Variants in ROS1 observed in about 807,000 individuals in gnomAD.
The protein encoded by ROS1 is proto-oncogene tyrosine-protein kinase ROS.
A neutral mutation model predicts 273.5 loss-of-function variants in ROS1; 263 were observed. That is an observed-to-expected ratio of 0.96 (90% CI 0.87 to 1.06). The LOEUF (loss-of-function observed/expected upper bound fraction) is 1.06, where lower values mean the gene tolerates loss of function less well. Ranked by LOEUF, ROS1 falls within the 50% of genes least tolerant of loss-of-function variation. The probability of loss-of-function intolerance (pLI) is 0.00; values close to 1 mark genes in which losing one functional copy is unlikely to be tolerated. For synonymous variants in ROS1, 1,008 were observed against 954.1 expected (o/e 1.06, Z -1.04); for missense variants, 2,833 against 2,751.1 (o/e 1.03, Z -0.67).
Position 117,394,664 on chromosome 6 carries a change from C to T in ROS1, c.958G>A (p.Asp320Asn). ...TCCAACCGAAGGCAATGTGCTTCAT[C>T]TACTAAATGTTTTAAAGATCTCTTT... The part of the protein sequence containing the change: ...LRKRSLKHLV[D>N]EAHCLRLDAI... The change falls in exon 10 of 44, where the codon GAT (aspartate) becomes AAT (asparagine). Residue 320 changes from aspartate (D) to asparagine (N), a missense_variant. By Grantham distance (23) the Asp-to-Asn change is conservative (BLOSUM62 1). Coordinates refer to ENST00000368507, the MANE Select transcript of ROS1 (RefSeq NM_001378902.1). The T allele has an allele frequency of 6.2e-7, 1 of 1,611,556 alleles. No individual in the cohort carries two copies. The highest frequency in any genetic ancestry group is 1.1e-5 in the South Asian group (1 of 90,794).
chr6:117,306,123 G>A lies in ROS1; in HGVS notation c.6551+2671C>T, dbSNP rs1218680623. ...ATATTAAAGACTTTGAATTCACAAAGCAATTGAACTTCAATACATGAAAAC... is the reference window on the plus strand; with the variant it reads ...ATATTAAAGACTTTGAATTCACAAAACAATTGAACTTCAATACATGAAAAC... On this transcript the variant is annotated intron_variant, in intron 42 of 43. Transcript: ENST00000368507. Among the ~76,000 whole-genome samples the A allele has an allele frequency of 3.4e-5, 5 of 146,532 alleles. No individual in the cohort carries two copies. In the East Asian group the frequency reaches 1.0e-3, roughly 30 times the overall value.
rs369171859 is a variant in ROS1, at chr6:117,409,616, G to T, written c.282C>A (p.Ser94Arg). The T allele has an allele frequency of 6.4e-5, 103 of 1,613,832 alleles. No homozygotes were observed. Among genetic ancestry groups the T allele is most frequent in the Non-Finnish European group, 8.2e-5 (97 of 1,179,928 alleles). The part of the protein sequence containing the change: ...CERESCEVGC[S>R]SAEGAYEEEV... The stretch of plus-strand genomic sequence containing the variant: ...CCTCTTCATATGCACCTTCCGCGCT[G>T]CTACAGCCAACCTCACACGACTCCC... Residue 94 changes from serine to arginine, a missense_variant, in exon 5 of 44, where the codon AGC becomes AGA. By Grantham distance (110) the Ser-to-Arg change is moderately radical. Transcript: ENST00000368507.
At chr6:117,324,292 A>G (rs1776482347) in intron 35 of ROS1, 40 bp downstream of exon 35, 3 of 917,444 alleles carry the variant, frequency 3.3e-6, no homozygotes, top group Non-Finnish European at 5.3e-6. Context: ...TGATTAAGTA[A>G]ACAGTTTGTT....
Position 117,366,091 on chromosome 6 carries a change from G to A in ROS1, c.2782C>T (p.Leu928Phe). Residue 928 changes from leucine to phenylalanine, a missense_variant, in exon 19 of 44, where the codon CTT becomes TTT. Coordinates refer to ENST00000368507, the MANE Select transcript of ROS1 (RefSeq NM_001378902.1). ...FNQFTIIQTS[L>F]KPLPGNFSFT... ...AATACTGTACCTGGCAGGGGCTTAAGGGATGTCTGAATAATTGTGAACTGA... is the reference window on the plus strand; with the variant it reads ...AATACTGTACCTGGCAGGGGCTTAAAGGATGTCTGAATAATTGTGAACTGA... The A allele has an allele frequency of 1.2e-6, 2 of 1,613,580 alleles. No homozygotes were observed. The highest frequency in any genetic ancestry group is 1.7e-6 in the Non-Finnish European group (2 of 1,179,516).
At chr6:117,379,418 T>C (rs1425465204) in intron 17 of ROS1, among the ~76,000 whole-genome samples, 1 of 152,150 alleles carries the variant, frequency 6.6e-6, no homozygotes, top group African/African-American at 2.4e-5. Context: ...GCTCCAGTAA[T>C]TATCAAAGTA....
chr6:117,383,129 T>G (rs1188952603), intron 17 of ROS1, among the ~76,000 whole-genome samples, 188 bp downstream of exon 17: 2 of 151,924 alleles, frequency 1.3e-5, no homozygotes, highest in Non-Finnish European at 2.9e-5. Context: ...AATAAGGCTT[T>G]CAATTGTGAC....
rs200426542 is a variant in ROS1, at chr6:117,418,492, G to A, written c.138C>T (p.Asp46=). ...CACTCAGATTATGTGGTGTGCCAAG[G>A]TCAAGCTGCTGGCCCTGAAATGAAG... The part of the protein sequence containing the change: ...SCVTNLGQQL[D]LGTPHNLSEP... Residue 46 remains aspartate, a synonymous_variant, in exon 2 of 44, where the codon GAC becomes GAT. Coordinates refer to ENST00000368507, the MANE Select transcript of ROS1 (RefSeq NM_001378902.1). 2.4e-5 allele frequency: 38 copies of A among 1,601,634 alleles called. No individual in the cohort carries two copies. Among genetic ancestry groups the A allele is most frequent in the Non-Finnish European group, 3.1e-5 (37 of 1,175,452 alleles).
At chr6:117,300,003 A>G (rs1440920057) in intron 43 of ROS1, among the ~76,000 whole-genome samples, 1 of 146,264 alleles carries the variant, frequency 6.8e-6, no homozygotes, top group Non-Finnish European at 1.5e-5. Flanking sequence ...GCTCACTGCA[A>G]GCTCCACCTC....
intron 26 of ROS1, among the ~76,000 whole-genome samples, chr6:117,354,666 A>G (rs1017056038): frequency 6.6e-6 from 1 of 152,192 alleles, no homozygotes; most frequent in East Asian, 1.9e-4. Context: ...AAATCTTTCT[A>G]ATTTTCTAAT....
Position 117,425,495 on chromosome 6 carries a change from T to C in ROS1, c.123+39A>G, listed in dbSNP as rs368082664. ...ATAACAAGCTGAATGCTACATGTTCTAGTTCCTGCAAAGACAAATATTAGA... is the reference window on the plus strand; with the variant it reads ...ATAACAAGCTGAATGCTACATGTTCCAGTTCCTGCAAAGACAAATATTAGA... On this transcript the variant is annotated intron_variant, in intron 1 of 43. Coordinates refer to ENST00000368507, the MANE Select transcript of ROS1 (RefSeq NM_001378902.1). 26 of 1,550,172 alleles carry C rather than the reference T, an allele frequency of 1.7e-5. No individual in the cohort carries two copies. In the African/African-American group the frequency reaches 3.5e-4, roughly 21 times the overall value.
intron 18 of ROS1, among the ~76,000 whole-genome samples, chr6:117,371,177 G>A (rs1311888804): frequency 6.6e-6 from 1 of 152,154 alleles, no homozygotes; most frequent in Non-Finnish European, 1.5e-5. Context: ...AACATACCAG[G>A]AAAGCCGAGA....
chr6:117,329,454 G>GA lies in ROS1; in HGVS notation c.5231-9dup, dbSNP rs757364359. On this transcript the variant is annotated splice_polypyrimidine_tract_variant and intron_variant, in intron 32 of 43. Coordinates refer to ENST00000368507, the MANE Select transcript of ROS1 (RefSeq NM_001378902.1). ...GTTTATTTGGGACTCCAGCTTTAGGGAAAAAAAGAAAATATTGGTTGATAT... is the reference window on the plus strand; with the variant it reads ...GTTTATTTGGGACTCCAGCTTTAGGGAAAAAAAAGAAAATATTGGTTGATAT... 23 of 1,253,502 alleles carry GA rather than the reference G, an allele frequency of 1.8e-5. No homozygotes were observed. The highest frequency in any genetic ancestry group is 1.4e-4 in the Admixed American group (8 of 56,200). 77.6% of individuals were successfully genotyped at this position (1,253,502 alleles called of 1,614,324 possible).
intron 1 of ROS1, among the ~76,000 whole-genome samples, chr6:117,419,637 CAA>C (rs914239935): frequency 4.6e-5 from 7 of 152,054 alleles, no homozygotes; most frequent in Non-Finnish European, 1.0e-4. Context: ...GAATCGCAAG[CAA>C]ATAAAAATCA....
chr6:117,386,754 G>C (rs887739514), intron 15 of ROS1, 135 bp downstream of exon 15: 30 of 493,340 alleles, frequency 6.1e-5, no homozygotes, highest in African/African-American at 5.5e-4. Flanking sequence ...ACTGGCAGTA[G>C]AGTTCAGTCA....
intron 24 of ROS1, among the ~76,000 whole-genome samples, chr6:117,359,235 C>T (rs574168770): frequency 6.6e-6 from 1 of 152,348 alleles, no homozygotes; most frequent in Non-Finnish European, 1.5e-5. Flanking sequence ...GATTCCACCA[C>T]ATCCTGCTCT....
At position 117,357,966 on chromosome 6, in the gene ROS1, A is replaced by G. The variant is rs766512849; in HGVS notation, c.3677T>C (p.Ile1226Thr). Residue 1226 changes from isoleucine (I) to threonine (T), a missense_variant, in exon 25 of 44, where the codon ATT becomes ACT. Physicochemically the swap from Ile to Thr is moderately conservative, Grantham distance 89 (BLOSUM62 -1). Transcript: ENST00000368507. ...GTAGAGGTGCCTTGAAATCCAGTCA[A>G]TTGTAATAACTGTGATATCAAAAAC... is the stretch of plus-strand genomic sequence containing the variant. Reference protein sequence around the residue: ...SLVFDITVITIDWISRHLYFA... With the variant: ...SLVFDITVITTDWISRHLYFA... 16 of 1,613,624 alleles carry G rather than the reference A, an allele frequency of 9.9e-6. No homozygotes were observed. In the Admixed American group the frequency reaches 1.2e-4, roughly 12 times the overall value.
intron 31 of ROS1, among the ~76,000 whole-genome samples, chr6:117,339,341 G>A (rs1214104122): frequency 1.3e-5 from 2 of 152,094 alleles, no homozygotes; most frequent in East Asian, 3.9e-4. Context: ...ACTTCATCTT[G>A]TGCTCTAGTT....
At chr6:117,407,639 C>T (rs1459280856) in intron 5 of ROS1, among the ~76,000 whole-genome samples, 1 of 152,140 alleles carries the variant, frequency 6.6e-6, no homozygotes, top group Non-Finnish European at 1.5e-5. Context: ...AAACATACTG[C>T]CCAAAGTAAT....
chr6:117,303,708 T>A (rs1357638162), intron 42 of ROS1, among the ~76,000 whole-genome samples: 1 of 152,144 alleles, frequency 6.6e-6, no homozygotes, highest in Non-Finnish European at 1.5e-5. Context: ...TTACATTTTT[T>A]AAGGATTATT....
Sources: allele counts gnomAD v4.1 joint callset (sites outside exome capture counted in the v4.1 genomes callset), GRCh38; gene constraint gnomAD v4.1.1; transcripts MANE v1.5; gene names NCBI Gene and HGNC (gene_info 2026-07-23, HGNC 2026-07-21).